The following RXRA variants were observed in gnomAD, a reference collection of about 807,000 sequenced individuals.
RXRA encodes the protein retinoid X receptor alpha.
RXRA carries 5 observed loss-of-function variants against 44.5 expected under a neutral mutation model. The ratio of observed to expected loss-of-function variants is 0.11; its 90% CI spans 0.06 to 0.24. The LOEUF (loss-of-function observed/expected upper bound fraction) is 0.24. RXRA is among the 10% of genes least tolerant of loss of function. The pLI is 1.00. For synonymous variants in RXRA, 291 were observed against 271.4 expected (o/e 1.07, Z -0.71); for missense variants, 412 against 646.5 (o/e 0.64, Z 3.93).
intron 1 of RXRA, among the ~76,000 whole-genome samples, chr9:134,335,200 G>C (rs1829980669): frequency 6.6e-6 from 1 of 152,200 alleles, no homozygotes; most frequent in Non-Finnish European, 1.5e-5. Flanking sequence ...ACTAACTGGT[G>C]AGGTAGGCTG....
chr9:134,367,672 C>T (rs1338947225), intron 1 of RXRA, among the ~76,000 whole-genome samples: 3 of 152,222 alleles, frequency 2.0e-5, no homozygotes, highest in Admixed American at 1.3e-4. Flanking sequence ...AACTTGCCTG[C>T]CTGTGCAGGG....
intron 7 of RXRA, among the ~76,000 whole-genome samples, chr9:134,429,853 AG>A (rs1343730060): frequency 1.3e-5 from 2 of 150,550 alleles, no homozygotes; most frequent in Admixed American, 6.6e-5. Context: ...CTGCCAGGCG[AG>A]GCGGACAGTA....
chr9:134,436,747 T>A lies in RXRA; in HGVS notation c.*133T>A. The A allele has an allele frequency of 2.1e-6, 2 of 941,980 alleles. No homozygotes were observed. The highest frequency in any genetic ancestry group is 3.2e-6 in the Non-Finnish European group (2 of 626,102). 58.4% of individuals were successfully genotyped at this position (941,980 alleles called of 1,614,324 possible). On this transcript the variant is annotated 3_prime_UTR_variant, in exon 10 of 10. Coordinates refer to ENST00000481739, the MANE Select transcript of RXRA (RefSeq NM_002957.6). ...TGGACTTTGGGGCACAGCCTGTCAC[T>A]GCTCTGCCTAAGAGATGTGTTGTCA...
intron 7 of RXRA, 27 bp from the exon 8 acceptor site, chr9:134,431,878 T>C (rs770578251): frequency 6.4e-7 from 1 of 1,573,442 alleles, no homozygotes; most frequent in East Asian, 2.2e-5. Flanking sequence ...CTAACTGGGA[T>C]GGGGTGTCTG....
At position 134,426,937 on chromosome 9, in the gene RXRA, T is replaced by A; in HGVS notation, c.911-2171T>A. 1.0e-6 allele frequency: 1 copy of A among 985,226 alleles called. No homozygotes were observed. The highest frequency in any genetic ancestry group is 1.2e-6 in the Non-Finnish European group (1 of 829,900). The allele number at this position is 985,226 out of a possible 1,614,324, so 61.0% of individuals were successfully genotyped here. A position where few individuals can be genotyped will look rare whatever the true frequency, so the allele number is the denominator to read the frequency against. ...AGCCCTTTCCTAGGAGAGCATTTGCTCTCACTGGATGTCAGACCCAGTGCC... is the reference window on the plus strand; with the variant it reads ...AGCCCTTTCCTAGGAGAGCATTTGCACTCACTGGATGTCAGACCCAGTGCC... On this transcript the variant is annotated intron_variant, in intron 6 of 9. Transcript: ENST00000481739. The surrounding 1 kb of genome is among the most constrained non-coding windows in gnomAD (Gnocchi z 4.6).
At chr9:134,430,708 C>T (rs1231346053) in intron 7 of RXRA, among the ~76,000 whole-genome samples, 1 of 152,186 alleles carries the variant, frequency 6.6e-6, no homozygotes, top group Non-Finnish European at 1.5e-5. Flanking sequence ...TAGAGGGGTA[C>T]TGGGGATATG....
intron 1 of RXRA, among the ~76,000 whole-genome samples, chr9:134,351,986 T>C (rs1263869550): frequency 2.0e-5 from 3 of 152,056 alleles, no homozygotes; most frequent in Non-Finnish European, 2.9e-5. Context: ...GGGGCTGAGG[T>C]TGAGAGTCCT....
At chr9:134,378,357 G>A (rs1163670347) in intron 1 of RXRA, among the ~76,000 whole-genome samples, 1 of 152,246 alleles carries the variant, frequency 6.6e-6, no homozygotes, top group South Asian at 2.1e-4. Context: ...GCCGGCCAGC[G>A]CCTGTGTGCG....
intron 1 of RXRA, among the ~76,000 whole-genome samples, chr9:134,371,753 A>G (rs754898284): frequency 1.7e-4 from 26 of 152,158 alleles, no homozygotes; most frequent in Non-Finnish European, 3.4e-4. Context: ...TGTCCTGAGG[A>G]TGAGGGTCAT....
chr9:134,339,334 T>C (rs1316143506), intron 1 of RXRA, among the ~76,000 whole-genome samples: 1 of 152,142 alleles, frequency 6.6e-6, no homozygotes, highest in Admixed American at 6.5e-5. Flanking sequence ...TGAGCCTGTG[T>C]GGGCTTATGT....
chr9:134,412,466 C>A (rs991099434), intron 4 of RXRA, among the ~76,000 whole-genome samples: 6 of 152,204 alleles, frequency 3.9e-5, no homozygotes, highest in African/African-American at 1.4e-4. Flanking sequence ...GGTGACTCTG[C>A]CCCCGGCAAA....
At position 134,365,577 on chromosome 9, in the gene RXRA, T is replaced by G. The variant is rs1209585912; in HGVS notation, c.29-36055T>G. 2.6e-5 allele frequency among the ~76,000 whole-genome samples: 4 copies of G among 152,102 alleles called. No individual in the cohort carries two copies. Among genetic ancestry groups the G allele is most frequent in the Non-Finnish European group, 1.5e-5 (1 of 68,010 alleles). On this transcript the variant is annotated intron_variant, in intron 1 of 9. Transcript: ENST00000481739. This position sits in a 1 kb window ranked among gnomAD's most constrained non-coding sequence, Gnocchi z 4.0. ...CTGGGGCCTGGGTGGTAGGGGGTGA[T>G]CTGCTTGTCCAGTGGTTTCTGTGGC...
chr9:134,439,598 C>G lies in RXRA; in HGVS notation c.*2984C>G, dbSNP rs62571261. 6.6e-6 allele frequency: 1 copy of G among 152,386 alleles called. No individual in the cohort carries two copies. Among genetic ancestry groups the G allele is most frequent in the Non-Finnish European group, 1.5e-5 (1 of 68,138 alleles). 9.4% of individuals were successfully genotyped at this position (152,386 alleles called of 1,614,324 possible). A position where few individuals can be genotyped will look rare whatever the true frequency, so the allele number is the denominator to read the frequency against. On this transcript the variant is annotated 3_prime_UTR_variant, in exon 10 of 10. Coordinates refer to ENST00000481739, the MANE Select transcript of RXRA (RefSeq NM_002957.6). ...CTGGTGGCAGTGCTGGAGATGACCC[C>G]GAGCCCCTCCCCGTGGGGCACCCAG...
chr9:134,392,303 G>T (rs181542688), intron 1 of RXRA, among the ~76,000 whole-genome samples: 16 of 152,046 alleles, frequency 1.1e-4, no homozygotes, highest in African/African-American at 3.9e-4. Context: ...CAGCAGATGG[G>T]TGGTCTGCTC....
intron 1 of RXRA, among the ~76,000 whole-genome samples, chr9:134,362,522 C>T (rs1013748723): frequency 6.6e-6 from 1 of 152,252 alleles, no homozygotes; most frequent in African/African-American, 2.4e-5. Context: ...GCCGAGTCTG[C>T]CTCGTGGTCA....
chr9:134,387,848 C>G (rs1454541789), intron 1 of RXRA, among the ~76,000 whole-genome samples: 1 of 152,212 alleles, frequency 6.6e-6, no homozygotes, highest in Non-Finnish European at 1.5e-5. Flanking sequence ...CTTGGGCTGT[C>G]TGGAGTGATC....
intron 1 of RXRA, among the ~76,000 whole-genome samples, chr9:134,375,278 G>T (rs999045169): frequency 6.6e-6 from 1 of 152,172 alleles, no homozygotes; most frequent in Non-Finnish European, 1.5e-5. Flanking sequence ...CAGAGCGCGT[G>T]TCACTGTGGG....
intron 1 of RXRA, among the ~76,000 whole-genome samples, chr9:134,328,886 C>T (rs766885637): frequency 2.6e-4 from 40 of 152,158 alleles, no homozygotes; most frequent in Non-Finnish European, 3.2e-4. Flanking sequence ...GGATCCCAGT[C>T]GGTGTCCACC....
In RXRA at chr9:134,408,924, C is replaced by T. The variant is rs369626735; in HGVS notation, c.431-16C>T. On this transcript the variant is annotated splice_polypyrimidine_tract_variant and intron_variant, in intron 3 of 9. Transcript: ENST00000481739. ...GCGGTGGGTGCTCCCCAGCCCTGCT[C>T]TGCCCTGTCCCGCAGGCAAGCACTA... The T allele has an allele frequency of 4.7e-6, 7 of 1,505,274 alleles. No individual in the cohort carries two copies. Among genetic ancestry groups the T allele is most frequent in the Non-Finnish European group, 6.2e-6 (7 of 1,122,722 alleles). The allele number at this position is 1,505,274 out of a possible 1,614,324, so 93.2% of individuals were successfully genotyped here.
Sources: gnomAD v4.1 joint callset for allele counts (sites outside exome capture counted in the v4.1 genomes callset) on GRCh38, gnomAD v4.1.1 for gene constraint, Gnocchi (gnomAD v3.1) non-coding constraint, MANE v1.5 for transcripts, NCBI Gene and HGNC (gene_info 2026-07-23, HGNC 2026-07-21) for gene names.